ZNF250: variants seen among roughly 807,000 people sequenced by gnomAD.
The protein encoded by ZNF250 is zinc finger protein (clone 647).
ZNF250 carries 13 observed loss-of-function variants against 37.1 expected under a neutral mutation model. The observed-to-expected ratio is 0.35, with a 90% CI of 0.23 to 0.56. ZNF250 has a LOEUF of 0.56. Ranked by LOEUF, ZNF250 falls within the 20% of genes least tolerant of loss-of-function variation. The pLI is 0.87. For missense variants in ZNF250, 474 were observed against 697.9 expected (o/e 0.68, Z 3.61); for synonymous variants, 251 against 265.6 (o/e 0.94, Z 0.54).
At position 144,877,137 on chromosome 8, in the gene ZNF250, G is replaced by A. The variant is rs1776154992; in HGVS notation, c.*4378C>T. 1 of 152,164 alleles carries A rather than the reference G, an allele frequency of 6.6e-6. No homozygotes were observed. Among genetic ancestry groups the A allele is most frequent in the South Asian group, 2.1e-4 (1 of 4,830 alleles). 9.4% of individuals were successfully genotyped at this position (152,164 alleles called of 1,614,324 possible). On this transcript the variant is annotated 3_prime_UTR_variant, in exon 6 of 6. Coordinates refer to ENST00000417550, the MANE Select transcript of ZNF250 (RefSeq NM_001109689.4). ...ATTTTTTGTGACAAGGTCTCTCTCT[G>A]TTGTCCAGGCTAGATAGTATGATCA... is the stretch of plus-strand genomic sequence containing the variant.
At chr8:144,895,606 AAGG>A (rs1180137418) in intron 1 of ZNF250, among the ~76,000 whole-genome samples, 1 of 152,122 alleles carries the variant, frequency 6.6e-6, no homozygotes. Flanking sequence ...AGTGTGTGGC[AAGG>A]AGAAGTGAAA....
At chr8:144,896,716 G>A (rs1288702978) in intron 1 of ZNF250, among the ~76,000 whole-genome samples, 1 of 152,208 alleles carries the variant, frequency 6.6e-6, no homozygotes, top group East Asian at 1.9e-4. Flanking sequence ...ACAGGCTAAT[G>A]ACGAGTCCTC....
chr8:144,881,453 G>A lies in ZNF250; in HGVS notation c.*62C>T. The A allele has an allele frequency of 6.6e-7, 1 of 1,517,086 alleles. No individual in the cohort carries two copies. Among genetic ancestry groups the A allele is most frequent in the Non-Finnish European group, 8.8e-7 (1 of 1,132,416 alleles). The allele number at this position is 1,517,086 out of a possible 1,614,324, so 94.0% of individuals were successfully genotyped here. A position where few individuals can be genotyped will look rare whatever the true frequency, so the allele number is the denominator to read the frequency against. On this transcript the variant is annotated 3_prime_UTR_variant, in exon 6 of 6. Transcript: ENST00000417550. The stretch of plus-strand genomic sequence containing the variant: ...AGTTAACAGAGACTTCTCTTGGGCT[G>A]AAGGCTGCTTGTGGTTCCACATGCA...
At chr8:144,896,007 T>TAAAAAAA (rs1832695170) in intron 1 of ZNF250, among the ~76,000 whole-genome samples, 1 of 84,430 alleles carries the variant, frequency 1.2e-5, no homozygotes, top group African/African-American at 6.9e-5. Context: ...AGACTCTGTC[T>TAAAAAAA]CAAAAAAAAA....
At chr8:144,892,739 G>T (rs1194310584) in intron 1 of ZNF250, among the ~76,000 whole-genome samples, 1 of 151,826 alleles carries the variant, frequency 6.6e-6, no homozygotes, top group Non-Finnish European at 1.5e-5. Flanking sequence ...TGTATTTTTA[G>T]TAGGGACAGG....
chr8:144,900,717 A>C (rs528436881), intron 1 of ZNF250, among the ~76,000 whole-genome samples: 23 of 152,284 alleles, frequency 1.5e-4, no homozygotes, highest in Non-Finnish European at 2.4e-4. Flanking sequence ...CAAGTAGCAC[A>C]CTCGACCAAC....
In ZNF250 at chr8:144,881,435, A is replaced by C; in HGVS notation, c.*80T>G. On this transcript the variant is annotated 3_prime_UTR_variant, in exon 6 of 6. Transcript: ENST00000417550. ...AAGAAAAGCTTCCTATAGAGTTAAC[A>C]GAGACTTCTCTTGGGCTGAAGGCTG... The C allele has an allele frequency of 6.7e-7, 1 of 1,487,452 alleles. No homozygotes were observed. Among genetic ancestry groups the C allele is most frequent in the Non-Finnish European group, 8.9e-7 (1 of 1,118,356 alleles). 92.1% of individuals were successfully genotyped at this position (1,487,452 alleles called of 1,614,324 possible). A position where few individuals can be genotyped will look rare whatever the true frequency, so the allele number is the denominator to read the frequency against.
intron 4 of ZNF250, 76 bp downstream of exon 4, chr8:144,889,505 G>A: frequency 8.2e-7 from 1 of 1,218,562 alleles, no homozygotes; most frequent in Non-Finnish European, 1.2e-6. Flanking sequence ...GAGCGGCACA[G>A]TATGAACTAG....
At chr8:144,893,480 G>GC (rs369785113) in intron 1 of ZNF250, among the ~76,000 whole-genome samples, 11 of 152,164 alleles carry the variant, frequency 7.2e-5, no homozygotes, top group African/African-American at 1.4e-4. Context: ...ACAGACACCT[G>GC]CCTCCATGCC....
chr8:144,892,220 T>C (rs2859703), intron 1 of ZNF250, among the ~76,000 whole-genome samples: 4,028 of 152,298 alleles, frequency 0.026, 227 homozygotes, highest in East Asian at 0.22. Flanking sequence ...GTTAGCGCAA[T>C]GCAACTCTAA....
intron 1 of ZNF250, among the ~76,000 whole-genome samples, chr8:144,896,821 G>A (rs767634200): frequency 6.6e-6 from 1 of 152,162 alleles, no homozygotes; most frequent in Non-Finnish European, 1.5e-5. Context: ...CCCTCTTGAG[G>A]CCATGCCAAC....
rs1831431375 is a variant in ZNF250 at position 144,880,999 on chromosome 8, T to TTA, written c.*514_*515dup. The TTA allele has an allele frequency of 6.3e-6, 1 of 158,944 alleles. No homozygotes were observed. Among genetic ancestry groups the TTA allele is most frequent in the African/African-American group, 2.4e-5 (1 of 41,496 alleles). 9.8% of individuals were successfully genotyped at this position (158,944 alleles called of 1,614,324 possible). A position where few individuals can be genotyped will look rare whatever the true frequency, so the allele number is the denominator to read the frequency against. On this transcript the variant is annotated 3_prime_UTR_variant, in exon 6 of 6. Transcript: ENST00000417550. ...CACACACTTAGGATTTCCAACCATT[T>TTA]TACATGATGCTTGATGAAAATATCT... is the stretch of plus-strand genomic sequence containing the variant.
Position 144,897,313 on chromosome 8 carries a change from C to A in ZNF250, c.-55+4086G>T, listed in dbSNP as rs187604651. On this transcript the variant is annotated intron_variant, in intron 1 of 5. Coordinates refer to ENST00000417550, the MANE Select transcript of ZNF250 (RefSeq NM_001109689.4). The surrounding 1 kb of genome is among the most constrained non-coding windows in gnomAD (Gnocchi z 5.2). ...TCTTCATCACCAAGGAGCCCCTACC[C>A]GCTAGGGTGAAAGCACTTTCAAGAG... Among the ~76,000 whole-genome samples, 4 of 152,322 alleles carry A rather than the reference C, an allele frequency of 2.6e-5. No homozygotes were observed. Among genetic ancestry groups the A allele is most frequent in the African/African-American group, 9.6e-5 (4 of 41,574 alleles).
chr8:144,890,449 T>TA lies in ZNF250; in HGVS notation c.-54-47dup. The TA allele has an allele frequency of 8.0e-7, 1 of 1,242,540 alleles. No homozygotes were observed. The highest frequency in any genetic ancestry group is 1.1e-6 in the Non-Finnish European group (1 of 936,906). The allele number at this position is 1,242,540 out of a possible 1,614,324, so 77.0% of individuals were successfully genotyped here. A position where few individuals can be genotyped will look rare whatever the true frequency, so the allele number is the denominator to read the frequency against. On this transcript the variant is annotated intron_variant, in intron 1 of 5. Coordinates refer to ENST00000417550, the MANE Select transcript of ZNF250 (RefSeq NM_001109689.4). This position sits in a 1 kb window ranked among gnomAD's most constrained non-coding sequence, Gnocchi z 5.1. ...AGTGAGGGGCATGGCCTTGAGACCG[T>TA]AACTTCCTAGGGGGCCCTCAGGGGA...
intron 5 of ZNF250, among the ~76,000 whole-genome samples, chr8:144,884,991 A>G (rs1431171647): frequency 6.6e-6 from 1 of 152,100 alleles, no homozygotes; most frequent in Non-Finnish European, 1.5e-5. Context: ...ATTTGTGCCT[A>G]CTTTTCTTTT....
intron 4 of ZNF250, among the ~76,000 whole-genome samples, chr8:144,887,130 G>C (rs1209840): frequency 2.7e-4 from 41 of 151,680 alleles, no homozygotes; most frequent in African/African-American, 9.0e-4. Context: ...CATGCCTGTA[G>C]TCCCCACTAC....
At chr8:144,900,407 AAG>A (rs1833021587) in intron 1 of ZNF250, among the ~76,000 whole-genome samples, 1 of 152,160 alleles carries the variant, frequency 6.6e-6, no homozygotes, top group Non-Finnish European at 1.5e-5. Flanking sequence ...TGACAGAAAA[AAG>A]GGTGTGCGTG....
In ZNF250 at chr8:144,878,123, T is replaced by C. The variant is rs1831239904; in HGVS notation, c.*3392A>G. ...GAGGTGACCTCAGGTTTCTGGACTT[T>C]CATCTCAGTGATCTCATCTAGGTAC... On this transcript the variant is annotated 3_prime_UTR_variant, in exon 6 of 6. Coordinates refer to ENST00000417550, the MANE Select transcript of ZNF250 (RefSeq NM_001109689.4). 6.6e-6 allele frequency: 1 copy of C among 152,212 alleles called. No homozygotes were observed. Among genetic ancestry groups the C allele is most frequent in the Non-Finnish European group, 1.5e-5 (1 of 68,042 alleles). 9.4% of individuals were successfully genotyped at this position (152,212 alleles called of 1,614,324 possible).
At position 144,891,031 on chromosome 8, in the gene ZNF250, C is replaced by T. The variant is rs901508666; in HGVS notation, c.-54-628G>A. On this transcript the variant is annotated intron_variant, in intron 1 of 5. Coordinates refer to ENST00000417550, the MANE Select transcript of ZNF250 (RefSeq NM_001109689.4). This position sits in a 1 kb window ranked among gnomAD's most constrained non-coding sequence, Gnocchi z 4.0. ...TCTGAGCAGCTGAAGGAAGACTTGT[C>T]ATCAAGTGAGAAGGGGATGCTTGGG... 6.6e-6 allele frequency among the ~76,000 whole-genome samples: 1 copy of T among 152,100 alleles called. No individual in the cohort carries two copies. Among genetic ancestry groups the T allele is most frequent in the African/African-American group, 2.4e-5 (1 of 41,402 alleles).
Sources: allele counts gnomAD v4.1 joint callset (sites outside exome capture counted in the v4.1 genomes callset), GRCh38; gene constraint gnomAD v4.1.1; non-coding constraint Gnocchi (gnomAD v3.1); transcripts MANE v1.5; gene names NCBI Gene and HGNC (gene_info 2026-07-23, HGNC 2026-07-21).